Variants in UNC80 observed in about 807,000 individuals in gnomAD.
UNC80 encodes protein unc-80 homolog.
A neutral mutation model predicts 384.6 loss-of-function variants in UNC80; 164 were observed. The observed-to-expected ratio is 0.43, with a 90% CI of 0.38 to 0.49. The LOEUF is 0.49. Among genes scored for constraint, UNC80 ranks in the 20% least tolerant of loss-of-function variants. The pLI is 0.00. For synonymous variants in UNC80, 1,486 were observed against 1,527.8 expected, an observed-to-expected ratio of 0.97 and a Z score of 0.64; for missense variants, 3,330 against 4,143.0, an observed-to-expected ratio of 0.80 and a Z score of 5.39.
chr2:209,775,018 A>G (rs1197614015), intron 2 of UNC80, among the ~76,000 whole-genome samples: 1 of 152,186 alleles, frequency 6.6e-6, no homozygotes, highest in Admixed American at 6.5e-5. Flanking sequence ...CATTTATACA[A>G]TTTTATTGAC....
intron 7 of UNC80, chr2:209,808,797 T>TGCGCTACTCAGCGCCCTCGTTGCCTCG: frequency 7.1e-6 from 2 of 283,598 alleles, no homozygotes; most frequent in Non-Finnish European, 1.4e-5. Context: ...TCGTTGCCTC[T>TGCGCTACTCAGCGCCCTCGTTGCCTCG]GCCACCATGC....
chr2:209,872,795 A>G lies in UNC80; in HGVS notation c.3665A>G (p.Glu1222Gly). The change falls in exon 23 of 65, where the codon GAA becomes GGA. Residue 1222 changes from glutamate to glycine, a missense_variant. By Grantham distance (98) the Glu-to-Gly change is moderately conservative. This residue lies in a region of UNC80 where 801 missense variants were observed against 950.8 expected (regional missense o/e 0.84). Transcript: ENST00000673920. This position sits in a 1 kb window ranked among gnomAD's most constrained non-coding sequence, Gnocchi z 4.1. Reference sequence around the variant, plus strand: ...GTGGCCAGAGCAGCCTTGTTCCTGGAATGTGCTCGTTTTGTTCACCGCTGC... The same window carrying G: ...GTGGCCAGAGCAGCCTTGTTCCTGGGATGTGCTCGTTTTGTTCACCGCTGC... ...PVVARAALFL[E>G]CARFVHRCNR... 2.6e-6 allele frequency: 4 copies of G among 1,551,492 alleles called. No homozygotes were observed. Among genetic ancestry groups the G allele is most frequent in the Non-Finnish European group, 3.5e-6 (4 of 1,146,818 alleles).
chr2:209,907,789 A>G (rs1248175941), intron 29 of UNC80, among the ~76,000 whole-genome samples: 4 of 152,228 alleles, frequency 2.6e-5, no homozygotes, highest in Admixed American at 6.5e-5. Context: ...GTACTCACTT[A>G]TGTAATAGTA....
intron 33 of UNC80, among the ~76,000 whole-genome samples, chr2:209,919,346 C>A (rs1242522751): frequency 6.6e-6 from 1 of 152,112 alleles, no homozygotes; most frequent in Non-Finnish European, 1.5e-5. Flanking sequence ...CCTCTTTGCA[C>A]AAATTTATCA....
intron 22 of UNC80, among the ~76,000 whole-genome samples, chr2:209,850,897 G>T (rs2124841083): frequency 6.6e-6 from 1 of 152,210 alleles, no homozygotes; most frequent in East Asian, 1.9e-4. Flanking sequence ...TGTTTTCTAG[G>T]TGGGATAGTG....
At chr2:209,931,381 AC>A (rs2090858384) in intron 38 of UNC80, among the ~76,000 whole-genome samples, 1 of 150,408 alleles carries the variant, frequency 6.6e-6, no homozygotes, top group East Asian at 1.9e-4. Context: ...ACACACACAC[AC>A]ACACACACAC....
intron 4 of UNC80, among the ~76,000 whole-genome samples, chr2:209,785,678 G>A (rs1328162486): frequency 1.3e-5 from 2 of 152,106 alleles, no homozygotes; most frequent in Non-Finnish European, 2.9e-5. Context: ...TGCCTTATGA[G>A]GGAGAATAAG....
chr2:209,787,771 G>A (rs2077534109), intron 5 of UNC80, among the ~76,000 whole-genome samples: 1 of 151,908 alleles, frequency 6.6e-6, no homozygotes, highest in South Asian at 2.1e-4. Flanking sequence ...GTATATAACT[G>A]GTTTATGTAT....
chr2:209,829,269 A>C lies in UNC80; in HGVS notation c.2516A>C (p.Lys839Thr), dbSNP rs2080779344. The C allele has an allele frequency of 6.4e-7, 1 of 1,551,326 alleles. No individual in the cohort carries two copies. The highest frequency in any genetic ancestry group is 1.2e-5 in the South Asian group (1 of 84,050). The change falls in exon 15 of 65, where the codon AAG (lysine) becomes ACG (threonine). Residue 839 changes from lysine (K) to threonine (T), a missense_variant. By Grantham distance (78) the Lys-to-Thr change is moderately conservative (BLOSUM62 -1). Transcript: ENST00000673920. The stretch of plus-strand genomic sequence containing the variant: ...CTCACTAAGCTATACAAGCTAGATA[A>C]GATGCAGTTCCGACAAACCATGAGG... Reference protein sequence around the residue: ...NCLTKLYKLDKMQFRQTMRDY... With the variant: ...NCLTKLYKLDTMQFRQTMRDY...
intron 30 of UNC80, 144 bp from the exon 31 acceptor site, chr2:209,913,658 C>A (rs993360814): frequency 1.3e-6 from 1 of 741,104 alleles, no homozygotes; most frequent in East Asian, 2.8e-5. Flanking sequence ...TATGCCATGT[C>A]AACTAAATAT....
chr2:209,889,390 A>G (rs1053122440), intron 26 of UNC80, among the ~76,000 whole-genome samples: 2 of 152,234 alleles, frequency 1.3e-5, no homozygotes, highest in Non-Finnish European at 2.9e-5. Flanking sequence ...ATCTGTACAT[A>G]TCATTTCCAT....
chr2:209,889,525 G>T (rs1033723594), intron 26 of UNC80, among the ~76,000 whole-genome samples: 8 of 152,014 alleles, frequency 5.3e-5, no homozygotes, highest in Non-Finnish European at 8.8e-5. Flanking sequence ...TAAGCTCTGG[G>T]ATACATGTGC....
rs1575200976 is a variant in UNC80, at chr2:209,977,175, A to G, written c.8938+97A>G. On this transcript the variant is annotated intron_variant, in intron 58 of 64. Transcript: ENST00000673920. Reference sequence around the variant, plus strand: ...CCAGGTCACCACACTTTTTGGAACTATGAATATGTTAGCCATTTTGGTACA... The same window carrying G: ...CCAGGTCACCACACTTTTTGGAACTGTGAATATGTTAGCCATTTTGGTACA... 5.7e-6 allele frequency: 7 copies of G among 1,235,512 alleles called. No homozygotes were observed. In the East Asian group the frequency reaches 1.8e-4, roughly 33 times the overall value. 76.5% of individuals were successfully genotyped at this position (1,235,512 alleles called of 1,614,324 possible). A position where few individuals can be genotyped will look rare whatever the true frequency, so the allele number is the denominator to read the frequency against.
chr2:209,812,216 ATT>A (rs796729702), intron 7 of UNC80, among the ~76,000 whole-genome samples: 84 of 137,592 alleles, frequency 6.1e-4, no homozygotes, highest in African/African-American at 2.1e-3. Flanking sequence ...AGAGCGGCTA[ATT>A]TTTTTTTTTT....
At chr2:209,826,196 G>C (rs1386972326) in intron 14 of UNC80, 143 bp downstream of exon 14, 1 of 1,049,764 alleles carries the variant, frequency 9.5e-7, no homozygotes, top group Non-Finnish European at 1.3e-6. Context: ...GGTGTGAGGA[G>C]ATTCTCATGA....
In UNC80 at chr2:209,896,388, A is replaced by G. The variant is rs892009428; in HGVS notation, c.4556A>G (p.Tyr1519Cys). ...GMSNAGAEENYHRNMSWLHVM... is the reference protein window; with the variant it reads ...GMSNAGAEENCHRNMSWLHVM... ...AGTAATGCCGGCGCGGAGGAGAATT[A>G]CCACAGAAACATGTCGTGGCTTCAT... Residue 1519 changes from tyrosine to cysteine, a missense_variant, in exon 28 of 65, where the codon TAC (tyrosine) becomes TGC (cysteine). Around this residue, in one of 8 missense-constraint regions of UNC80, gnomAD observed 801 missense variants for 950.8 expected, o/e 0.84. Coordinates refer to ENST00000673920, the MANE Select transcript of UNC80 (RefSeq NM_001371986.1). The G allele has an allele frequency of 6.4e-7, 1 of 1,551,628 alleles. No homozygotes were observed. Among genetic ancestry groups the G allele is most frequent in the Non-Finnish European group, 8.7e-7 (1 of 1,146,946 alleles).
At chr2:209,919,791 A>G (rs1439711927) in intron 33 of UNC80, among the ~76,000 whole-genome samples, 2 of 152,242 alleles carry the variant, frequency 1.3e-5, no homozygotes, top group East Asian at 3.8e-4. Context: ...TAATTTCAGC[A>G]TCTGAACCAC....
intron 36 of UNC80, 90 bp downstream of exon 36, chr2:209,927,076 C>T (rs1266712767): frequency 2.2e-6 from 3 of 1,379,748 alleles, no homozygotes; most frequent in East Asian, 2.5e-5. Context: ...ACATTATCTA[C>T]TGGCCACATG....
intron 40 of UNC80, among the ~76,000 whole-genome samples, chr2:209,936,467 T>TAG (rs1575074489): frequency 6.6e-6 from 1 of 152,340 alleles, no homozygotes; most frequent in East Asian, 1.9e-4. Context: ...CTGAGACCAG[T>TAG]AGGTGCCACT....
Sources: gnomAD v4.1 joint callset for allele counts (sites outside exome capture counted in the v4.1 genomes callset) on GRCh38, gnomAD v4.1.1 for gene constraint, gnomAD v4.1.1 regional missense constraint, Gnocchi (gnomAD v3.1) non-coding constraint, MANE v1.5 for transcripts, NCBI Gene and HGNC (gene_info 2026-07-23, HGNC 2026-07-21) for gene names.